MCF2L: variants seen among roughly 807,000 people sequenced by gnomAD.
The protein encoded by MCF2L is guanine nucleotide exchange factor DBS.
Under a neutral mutation model 153.4 loss-of-function variants are expected in MCF2L, and 97 were observed. That is an observed-to-expected ratio of 0.63 (90% CI 0.54 to 0.75). MCF2L has a LOEUF of 0.75. MCF2L is among the 30% of genes least tolerant of loss of function. The pLI is 0.00. For missense variants in MCF2L, 1,347 were observed against 1,495.2 expected, an observed-to-expected ratio of 0.90 and a Z score of 1.64; for synonymous variants, 659 against 632.2, an observed-to-expected ratio of 1.04 and a Z score of -0.64.
intron 1 of MCF2L, among the ~76,000 whole-genome samples, chr13:112,974,324 G>A (rs2082146479): frequency 6.6e-6 from 1 of 152,102 alleles, no homozygotes; most frequent in South Asian, 2.1e-4. Context: ...GGTCTGCAAG[G>A]GCCCCCGGCG....
chr13:113,007,576 T>C (rs185102191), intron 1 of MCF2L, among the ~76,000 whole-genome samples: 4 of 152,244 alleles, frequency 2.6e-5, no homozygotes, highest in African/African-American at 9.6e-5. Flanking sequence ...GGGGCAGCAC[T>C]GCATTCCATG....
Position 113,096,554 on chromosome 13 carries a change from G to A in MCF2L, c.3193G>A (p.Val1065Ile). Residue 1065 changes from valine (V) to isoleucine (I), a missense_variant, in exon 29 of 30, where the codon GTC becomes ATC. Transcript: ENST00000535094. Reference sequence around the variant, plus strand: ...GCTGACCCTCGCCCCTTGCAGGTACGTCAGGGACCCGACCACTGGCAAGGA... The same window carrying A: ...GCTGACCCTCGCCCCTTGCAGGTACATCAGGGACCCGACCACTGGCAAGGA... ...VQEGDEGLWY[V>I]RDPTTGKEGW... 1.2e-6 allele frequency: 2 copies of A among 1,604,150 alleles called. No individual in the cohort carries two copies. The highest frequency in any genetic ancestry group is 1.1e-5 in the South Asian group (1 of 89,982).
intron 1 of MCF2L, among the ~76,000 whole-genome samples, chr13:113,003,764 G>C (rs568172311): frequency 6.6e-6 from 1 of 152,302 alleles, no homozygotes; most frequent in East Asian, 1.9e-4. Context: ...GTCAGCCAGG[G>C]TCAGCCAGGC....
intron 1 of MCF2L, among the ~76,000 whole-genome samples, chr13:112,900,111 A>T (rs2140491502): frequency 6.6e-6 from 1 of 152,268 alleles, no homozygotes. Flanking sequence ...CAGCCAGCTC[A>T]TGTTTGAAAT....
chr13:112,953,722 G>C (rs1395362421), intron 2 of MCF2L, among the ~76,000 whole-genome samples: 1 of 152,224 alleles, frequency 6.6e-6, no homozygotes, highest in Non-Finnish European at 1.5e-5. Flanking sequence ...GGCCTGCCTT[G>C]GTCCTGCGTC....
rs1316382658 is a variant in MCF2L, at chr13:112,943,444, GA to G, written c.169+41074del. Among the ~76,000 whole-genome samples, 2 of 151,870 alleles carry G rather than the reference GA, an allele frequency of 1.3e-5. No individual in the cohort carries two copies. The highest frequency in any genetic ancestry group is 1.5e-5 in the Non-Finnish European group (1 of 67,944). ...CAACGGAGGGCGCCGGCGCCCGGGA[GA>G]GGCGCCGCCTTGGTTGCAGGGGCCG... On this transcript the variant is annotated intron_variant, in intron 2 of 29. Transcript: ENST00000375608. The surrounding 1 kb of genome is among the most constrained non-coding windows in gnomAD (Gnocchi z 4.2).
intron 1 of MCF2L, among the ~76,000 whole-genome samples, chr13:113,012,327 G>C (rs2084198045): frequency 5.3e-5 from 6 of 113,064 alleles, no homozygotes; most frequent in Admixed American, 5.2e-4. Flanking sequence ...AGGTGGTGTG[G>C]ACGGTGGACA....
intron 2 of MCF2L, among the ~76,000 whole-genome samples, chr13:112,935,551 C>G (rs2081506509): frequency 6.6e-6 from 1 of 152,172 alleles, no homozygotes; most frequent in Non-Finnish European, 1.5e-5. Flanking sequence ...GCCACCACAC[C>G]CGACCCCATA....
intron 5 of MCF2L, chr13:113,063,981 C>T (rs1055303890): frequency 8.3e-5 from 34 of 411,074 alleles, no homozygotes; most frequent in African/African-American, 5.3e-4. Context: ...TCTTGCTCCC[C>T]GTGACACGTC....
Position 113,074,311 on chromosome 13 carries a change from G to T in MCF2L, c.997-133G>T. 2 of 1,137,388 alleles carry T rather than the reference G, an allele frequency of 1.8e-6. No individual in the cohort carries two copies. Among genetic ancestry groups the T allele is most frequent in the African/African-American group, 1.5e-5 (1 of 65,370 alleles). The allele number at this position is 1,137,388 out of a possible 1,614,324, so 70.5% of individuals were successfully genotyped here. A position where few individuals can be genotyped will look rare whatever the true frequency, so the allele number is the denominator to read the frequency against. Reference sequence around the variant, plus strand: ...GCCGACTTTGCACCTGTCTGACTGTGGTCCCTGCTTGATTGATGACCACTT... The same window carrying T: ...GCCGACTTTGCACCTGTCTGACTGTTGTCCCTGCTTGATTGATGACCACTT... On this transcript the variant is annotated intron_variant, in intron 9 of 29. Coordinates refer to ENST00000535094, the MANE Select transcript of MCF2L (RefSeq NM_001112732.3). This position sits in a 1 kb window ranked among gnomAD's most constrained non-coding sequence, Gnocchi z 4.2.
At chr13:112,946,644 C>A (rs2081639969) in intron 2 of MCF2L, among the ~76,000 whole-genome samples, 2 of 152,218 alleles carry the variant, frequency 1.3e-5, no homozygotes, top group African/African-American at 2.4e-5. Context: ...TGACACCTAA[C>A]ACTCCTTGTT....
At chr13:113,094,954 TG>T (rs748800558) in intron 27 of MCF2L, 211 of 1,387,620 alleles carry the variant, frequency 1.5e-4, no homozygotes, top group Non-Finnish European at 2.0e-4. Flanking sequence ...TTTGTGTTTC[TG>T]GGTTAATTTC....
intron 2 of MCF2L, among the ~76,000 whole-genome samples, chr13:113,019,262 T>C (rs1306966523): frequency 1.3e-5 from 2 of 152,112 alleles, no homozygotes; most frequent in African/African-American, 2.4e-5. Context: ...GAGAGAGGGA[T>C]TCGAAGTGGG....
chr13:112,966,552 G>A (rs890267263), upstream of MCF2L, among the ~76,000 whole-genome samples: 4 of 152,250 alleles, frequency 2.6e-5, no homozygotes, highest in South Asian at 2.1e-4. The surrounding 1 kb of genome is among the most constrained non-coding windows in gnomAD (Gnocchi z 4.1). Context: ...TCTGGGCACG[G>A]TGGCCCAGCC....
At chr13:112,912,071 CAAGTCCCTTGTTCTGTG>C (rs926796897) in intron 2 of MCF2L, among the ~76,000 whole-genome samples, 1 of 152,148 alleles carries the variant, frequency 6.6e-6, no homozygotes, top group African/African-American at 2.4e-5. Flanking sequence ...GCATGTGGCC[CAAGTCCCTTGTTCTGTG>C]AAGTTTCCCA....
intron 2 of MCF2L, among the ~76,000 whole-genome samples, chr13:112,935,532 C>G (rs1594350994): frequency 6.6e-6 from 1 of 152,324 alleles, no homozygotes; most frequent in East Asian, 1.9e-4. Flanking sequence ...GCTGGGAATA[C>G]AGGCGTGAGC....
chr13:113,060,628 G>C lies in MCF2L; in HGVS notation c.405G>C (p.Val135=). The C allele has an allele frequency of 1.2e-6, 2 of 1,613,542 alleles. No individual in the cohort carries two copies. The highest frequency in any genetic ancestry group is 2.2e-5 in the South Asian group (2 of 91,086). ...SFPANLQLVL[V]LRPTGFFQRT... is the part of the protein sequence containing the mutation. Reference sequence around the variant, plus strand: ...CGGCAAACCTGCAGCTCGTCCTCGTGCTTCGCCCGACGGGTTTTTTCCAAA... The same window carrying C: ...CGGCAAACCTGCAGCTCGTCCTCGTCCTTCGCCCGACGGGTTTTTTCCAAA... The change falls in exon 5 of 30, where the codon GTG becomes GTC. Residue 135 remains valine (V), a synonymous_variant. Transcript: ENST00000535094.
At chr13:113,076,214 C>A in intron 12 of MCF2L, 57 bp downstream of exon 12, 1 of 1,262,288 alleles carries the variant, frequency 7.9e-7, no homozygotes, top group Non-Finnish European at 1.1e-6. Flanking sequence ...GTGAGGCATT[C>A]CTCTGTGGGA....
At chr13:113,042,021 T>A (rs1471869356) in intron 3 of MCF2L, among the ~76,000 whole-genome samples, 2 of 152,146 alleles carry the variant, frequency 1.3e-5, no homozygotes, top group Non-Finnish European at 2.9e-5. Flanking sequence ...TGGAGCTTGA[T>A]GAATAGCTGT....
Sources: gnomAD v4.1 joint callset for allele counts (sites outside exome capture counted in the v4.1 genomes callset) on GRCh38, gnomAD v4.1.1 for gene constraint, Gnocchi (gnomAD v3.1) non-coding constraint, MANE v1.5 for transcripts, NCBI Gene and HGNC (gene_info 2026-07-23, HGNC 2026-07-21) for gene names.